The following GALNT17 variants were observed in gnomAD, a reference collection of about 807,000 sequenced individuals.
GALNT17 encodes the protein UDP-GalNAc:polypeptide N-acetylgalactosaminyltransferase-like 3.
A neutral mutation model predicts 63.7 loss-of-function variants in GALNT17; 29 were observed. The ratio of observed to expected loss-of-function variants is 0.46; its 90% CI spans 0.34 to 0.62. The LOEUF (loss-of-function observed/expected upper bound fraction) is 0.62, where lower values mean the gene tolerates loss of function less well. Among genes scored for constraint, GALNT17 ranks in the 20% least tolerant of loss-of-function variants. GALNT17 has a pLI of 0.01. For missense variants in GALNT17, 603 were observed against 799.6 expected, an observed-to-expected ratio of 0.75 and a Z score of 2.97; for synonymous variants, 305 against 318.3, an observed-to-expected ratio of 0.96 and a Z score of 0.45.
chr7:71,170,674 A>C (rs1015389127), intron 1 of GALNT17, among the ~76,000 whole-genome samples: 2 of 151,852 alleles, frequency 1.3e-5, no homozygotes, highest in African/African-American at 4.8e-5. Flanking sequence ...TTGAATTTTG[A>C]GTGTGTGTGT....
chr7:71,392,175 A>C (rs1461962210), intron 3 of GALNT17, among the ~76,000 whole-genome samples: 1 of 152,182 alleles, frequency 6.6e-6, no homozygotes, highest in Non-Finnish European at 1.5e-5. Flanking sequence ...GCAGACCCTG[A>C]AATAAACATC....
intron 5 of GALNT17, among the ~76,000 whole-genome samples, chr7:71,434,627 C>T (rs1452670165): frequency 1.3e-5 from 2 of 152,248 alleles, no homozygotes; most frequent in African/African-American, 4.8e-5. Context: ...CTTTTGCCAC[C>T]CGTGGGTTCT....
intron 3 of GALNT17, among the ~76,000 whole-genome samples, chr7:71,398,959 G>T (rs112717185): frequency 1.3e-5 from 2 of 152,080 alleles, no homozygotes; most frequent in East Asian, 1.9e-4. Flanking sequence ...GGGGCTGGAC[G>T]TGGTGGCTCA....
intron 6 of GALNT17, among the ~76,000 whole-genome samples, chr7:71,647,229 A>ATTTTT (rs5884850): frequency 1.1e-4 from 15 of 137,524 alleles, no homozygotes; most frequent in African/African-American, 4.0e-4. Context: ...GTGCCCAGCT[A>ATTTTT]TTTTTTTTTT....
At chr7:71,614,809 TAGAGAAAG>T (rs1227067345) in intron 6 of GALNT17, among the ~76,000 whole-genome samples, 8 of 134,104 alleles carry the variant, frequency 6.0e-5, no homozygotes, top group African/African-American at 2.3e-4. Flanking sequence ...AAAAAAGTAA[TAGAGAAAG>T]AGAGAGAATG....
chr7:71,247,457 CT>C (rs1189823073), intron 1 of GALNT17, among the ~76,000 whole-genome samples: 2 of 151,206 alleles, frequency 1.3e-5, no homozygotes, highest in East Asian at 1.9e-4. Flanking sequence ...TAATAGTCTA[CT>C]TTTTTTTTCT....
In GALNT17 at chr7:71,462,219, T is replaced by G. The variant is rs1422451761; in HGVS notation, c.962+41114T>G. Among the ~76,000 whole-genome samples the G allele has an allele frequency of 4.6e-5, 7 of 152,318 alleles. No homozygotes were observed. In the South Asian group the frequency reaches 1.4e-3, roughly 32 times the overall value. Reference sequence around the variant, plus strand: ...TGGAGAGCCTGAAATTCTGGCCCTTTCATCCTCTTTTCAAGATTATTCATT... The same window carrying G: ...TGGAGAGCCTGAAATTCTGGCCCTTGCATCCTCTTTTCAAGATTATTCATT... On this transcript the variant is annotated intron_variant, in intron 5 of 10. Transcript: ENST00000333538.
intron 3 of GALNT17, among the ~76,000 whole-genome samples, chr7:71,402,083 A>G (rs937251202): frequency 6.6e-6 from 1 of 152,168 alleles, no homozygotes; most frequent in Admixed American, 6.5e-5. Flanking sequence ...AACTTTTCTG[A>G]CCTTGTGTAA....
chr7:71,683,556 A>G lies in GALNT17; in HGVS notation c.1500+6250A>G, dbSNP rs2079964. 5.0e-3 allele frequency among the ~76,000 whole-genome samples: 756 copies of G among 152,252 alleles called. 9 individuals carry two copies. The highest frequency in any genetic ancestry group is 0.017 in the African/African-American group (716 of 41,550). ...GATAAAATAGGCACTGAGGAGGGTA[A>G]TTTCCTGTCTTGCAGCATGTGTTTG... is the stretch of plus-strand genomic sequence containing the variant. On this transcript the variant is annotated intron_variant, in intron 9 of 10. Coordinates refer to ENST00000333538, the MANE Select transcript of GALNT17 (RefSeq NM_022479.3).
intron 1 of GALNT17, among the ~76,000 whole-genome samples, chr7:71,251,893 C>T (rs1583799713): frequency 6.6e-6 from 1 of 152,138 alleles, no homozygotes; most frequent in African/African-American, 2.4e-5. Context: ...CTTTATGTCT[C>T]TTACCTGTTT....
At chr7:71,250,977 T>C (rs1251167266) in intron 1 of GALNT17, among the ~76,000 whole-genome samples, 1 of 152,260 alleles carries the variant, frequency 6.6e-6, no homozygotes, top group Non-Finnish European at 1.5e-5. Context: ...CTATCTTGGC[T>C]GTAGGTGAAA....
rs1365601380 is a variant in GALNT17, at chr7:71,670,403, A to T, written c.1404+294A>T. 2.6e-5 allele frequency among the ~76,000 whole-genome samples: 4 copies of T among 152,152 alleles called. No individual in the cohort carries two copies. The South Asian group carries it at 6.2e-4, about 24-fold the overall frequency. ...CTTTGAGGTCCTCTGGGACCTGTAA[A>T]TGGAGATATTGAGCAGGAAGTTTGG... On this transcript the variant is annotated intron_variant, in intron 8 of 10. Coordinates refer to ENST00000333538, the MANE Select transcript of GALNT17 (RefSeq NM_022479.3).
At position 71,156,674 on chromosome 7, in the gene GALNT17, C is replaced by T. The variant is rs889471176; in HGVS notation, c.238+23634C>T. 2.5e-4 allele frequency among the ~76,000 whole-genome samples: 37 copies of T among 147,420 alleles called. 1 individual carries two copies. Among genetic ancestry groups the T allele is most frequent in the South Asian group, 4.3e-4 (2 of 4,662 alleles). ...CCTGCCTCCCTTCCTTCTTCCCTCCCTCCCTCCCTTCCTTCCTCTCTGTCT... is the reference window on the plus strand; with the variant it reads ...CCTGCCTCCCTTCCTTCTTCCCTCCTTCCCTCCCTTCCTTCCTCTCTGTCT... On this transcript the variant is annotated intron_variant, in intron 1 of 10. Transcript: ENST00000333538.
chr7:71,500,127 G>C lies in GALNT17; in HGVS notation c.963-71158G>C, dbSNP rs529773122. Among the ~76,000 whole-genome samples, 62 of 152,178 alleles carry C rather than the reference G, an allele frequency of 4.1e-4. No homozygotes were observed. The South Asian group carries it at 0.013, about 31-fold the overall frequency. ...AGTCCTTTATAGCAGTGTAAGAATGGACTAATACACTCGTCCATCCCAATT... is the reference window on the plus strand; with the variant it reads ...AGTCCTTTATAGCAGTGTAAGAATGCACTAATACACTCGTCCATCCCAATT... On this transcript the variant is annotated intron_variant, in intron 5 of 10. Transcript: ENST00000333538.
At position 71,398,987 on chromosome 7, in the gene GALNT17, C is replaced by G. The variant is rs540632679; in HGVS notation, c.589+10586C>G. On this transcript the variant is annotated intron_variant, in intron 3 of 10. Transcript: ENST00000333538. The stretch of plus-strand genomic sequence containing the variant: ...GTGGCTCACGCCTGTAATCCCAGCA[C>G]TTTGGGAGGCTGAGGTGGGACGATC... 3.0e-4 allele frequency among the ~76,000 whole-genome samples: 46 copies of G among 152,092 alleles called. 4 individuals carry two copies. The highest frequency in any genetic ancestry group is 2.9e-3 in the East Asian group (15 of 5,166).
At chr7:71,465,728 C>G (rs375991691) in intron 5 of GALNT17, among the ~76,000 whole-genome samples, 13 of 152,312 alleles carry the variant, frequency 8.5e-5, no homozygotes, top group African/African-American at 3.1e-4. Context: ...ACATGGGAGC[C>G]TTCAGAGTGG....
At chr7:71,159,564 A>G (rs1788301877) in intron 1 of GALNT17, among the ~76,000 whole-genome samples, 1 of 150,256 alleles carries the variant, frequency 6.7e-6, no homozygotes, top group Non-Finnish European at 1.5e-5. Flanking sequence ...CAATTATATA[A>G]CAAGCACAGC....
At chr7:71,459,565 G>C (rs1052013083) in intron 5 of GALNT17, among the ~76,000 whole-genome samples, 3 of 152,186 alleles carry the variant, frequency 2.0e-5, no homozygotes, top group Admixed American at 2.0e-4. Context: ...TAACCCTATA[G>C]ATCGTGACTT....
At chr7:71,583,336 C>T (rs148948331) in intron 6 of GALNT17, among the ~76,000 whole-genome samples, 2 of 152,206 alleles carry the variant, frequency 1.3e-5, no homozygotes, top group Admixed American at 6.5e-5. Context: ...CCTCATGATC[C>T]GCCCACCTCG....
Sources: gnomAD v4.1 joint callset for allele counts (sites outside exome capture counted in the v4.1 genomes callset) on GRCh38, gnomAD v4.1.1 for gene constraint, MANE v1.5 for transcripts, NCBI Gene and HGNC (gene_info 2026-07-23, HGNC 2026-07-21) for gene names.